The following SGCD variants were observed in gnomAD, a reference collection of about 807,000 sequenced individuals.
SGCD encodes sarcoglycan delta, also known as delta-sarcoglycan.
In SGCD, 18 loss-of-function variants were observed where a neutral mutation model predicts 36.6. The observed-to-expected ratio is 0.49, with a 90% CI of 0.34 to 0.73. The LOEUF (loss-of-function observed/expected upper bound fraction) is 0.73. SGCD is among the 30% of genes least tolerant of loss of function. The pLI, the probability that SGCD is intolerant of heterozygous loss-of-function variation, is 0.01. For synonymous variants in SGCD, 133 were observed against 130.6 expected, an observed-to-expected ratio of 1.02 and a Z score of -0.12; for missense variants, 387 against 346.7, an observed-to-expected ratio of 1.12 and a Z score of -0.92.
intron 2 of SGCD, among the ~76,000 whole-genome samples, chr5:156,330,713 A>T (rs1451582345): frequency 6.6e-6 from 1 of 152,166 alleles, no homozygotes; most frequent in African/African-American, 2.4e-5. Flanking sequence ...GACTTCATAC[A>T]TGTGTTAACC....
intron 1 of SGCD, among the ~76,000 whole-genome samples, chr5:156,100,536 C>T (rs566433393): frequency 3.9e-5 from 6 of 152,100 alleles, no homozygotes; most frequent in Non-Finnish European, 8.8e-5. Context: ...CTCTTCCTTT[C>T]GTTATAAGAA....
At chr5:156,014,864 GT>G (rs1758933036) in intron 1 of SGCD, among the ~76,000 whole-genome samples, 1 of 152,116 alleles carries the variant, frequency 6.6e-6, no homozygotes, top group Non-Finnish European at 1.5e-5. Context: ...TGCACTTTGG[GT>G]TTGAAAATGC....
At chr5:156,194,512 G>A (rs1763973573) in intron 3 of SGCD, among the ~76,000 whole-genome samples, 1 of 152,148 alleles carries the variant, frequency 6.6e-6, no homozygotes, top group Non-Finnish European at 1.5e-5. Flanking sequence ...ACATTAGGTG[G>A]AGAGAAAAAC....
intron 3 of SGCD, among the ~76,000 whole-genome samples, chr5:156,140,241 T>A (rs1463202199): frequency 6.6e-6 from 1 of 152,170 alleles, no homozygotes; most frequent in Non-Finnish European, 1.5e-5. Context: ...AGGAAGTCGG[T>A]AATGGGTAGA....
chr5:156,446,030 C>T (rs1019239816), intron 3 of SGCD, among the ~76,000 whole-genome samples: 1 of 151,958 alleles, frequency 6.6e-6, no homozygotes, highest in Non-Finnish European at 1.5e-5. Flanking sequence ...TCCGAAAAAG[C>T]AGGGGTCTTG....
chr5:155,859,864 T>C, the SGCD span, among the ~76,000 whole-genome samples: 4 of 152,206 alleles, frequency 2.6e-5, no homozygotes, highest in African/African-American at 7.2e-5. Flanking sequence ...ATTCTAGTGG[T>C]TGAATCCTTA....
intron 1 of SGCD, among the ~76,000 whole-genome samples, chr5:156,078,370 G>A (rs1452265044): frequency 1.4e-4 from 21 of 151,430 alleles, no homozygotes; most frequent in Middle Eastern, 3.4e-3. Context: ...AAAATTCGCC[G>A]GATGTGGTGA....
At position 156,671,272 on chromosome 5, in the gene SGCD, CTT is replaced by C. The variant is rs35299523; in HGVS notation, c.575+23753_575+23754del. Among the ~76,000 whole-genome samples, 923 of 104,386 alleles carry C rather than the reference CTT, an allele frequency of 8.8e-3. 2 individuals are homozygous for C. The highest frequency in any genetic ancestry group is 0.022 in the African/African-American group (657 of 30,152). The allele number at this position is 104,386 out of a possible 152,430, so 68.5% of individuals were successfully genotyped here. A position where few individuals can be genotyped will look rare whatever the true frequency, so the allele number is the denominator to read the frequency against. On this transcript the variant is annotated intron_variant, in intron 7 of 8. Coordinates refer to ENST00000337851, the MANE Select transcript of SGCD (RefSeq NM_000337.6). ...GGTGATTCATGGATATCTATTGATT[CTT>C]TTTTTTTTTTTTTTTTGAGACAGAG...
chr5:155,831,078 C>T, the SGCD span, among the ~76,000 whole-genome samples: 3 of 152,150 alleles, frequency 2.0e-5, no homozygotes, highest in South Asian at 2.1e-4. Context: ...GAAATTGAAC[C>T]TTTCTCTGGT....
At chr5:156,187,889 C>A (rs758311609) in intron 3 of SGCD, among the ~76,000 whole-genome samples, 25 of 152,036 alleles carry the variant, frequency 1.6e-4, no homozygotes, top group Admixed American at 1.2e-3. Context: ...AATGGAATTC[C>A]CAGGCTGCTC....
chr5:156,292,911 CTGTT>C (rs896883605), intron 3 of SGCD, among the ~76,000 whole-genome samples: 9 of 152,052 alleles, frequency 5.9e-5, no homozygotes, highest in Non-Finnish European at 1.2e-4. Flanking sequence ...GGAGAAATGT[CTGTT>C]TGTGCAAGTC....
chr5:156,731,150 T>TTTACAAGAAAAAAACAAGC (rs1421892057), intron 7 of SGCD, among the ~76,000 whole-genome samples: 2 of 152,082 alleles, frequency 1.3e-5, no homozygotes, highest in Non-Finnish European at 2.9e-5. Context: ...CTTAAACAAA[T>TTTACAAGAAAAAAACAAGC]TTACAAGAAA....
chr5:156,691,555 A>G (rs188827241), intron 7 of SGCD, among the ~76,000 whole-genome samples: 411 of 152,358 alleles, frequency 2.7e-3, no homozygotes, highest in Non-Finnish European at 4.7e-3. Flanking sequence ...GCCACAGAAA[A>G]TACCTAAAAA....
In SGCD at chr5:155,987,902, TAAC is replaced by T. The variant is rs1205316415; in HGVS notation, c.-282+117484_-282+117486del. On this transcript the variant is annotated intron_variant, in intron 1 of 9. Coordinates refer to the SGCD transcript ENST00000517913. ...TATTATTCATATCCCAGTATGCTGATAACAACAATAGTAATAATGACAATTTCT... is the reference window on the plus strand; with the variant it reads ...TATTATTCATATCCCAGTATGCTGATAACAATAGTAATAATGACAATTTCT... 3.3e-5 allele frequency among the ~76,000 whole-genome samples: 5 copies of T among 152,160 alleles called. 1 individual carries two copies. The highest frequency in any genetic ancestry group is 5.9e-5 in the Non-Finnish European group (4 of 68,020).
At chr5:156,282,692 T>C (rs114901375) in intron 3 of SGCD, among the ~76,000 whole-genome samples, 2,127 of 152,282 alleles carry the variant, frequency 0.014, 23 homozygotes, top group Non-Finnish European at 0.024. Context: ...TACTTACGTG[T>C]GGTCTATATG....
intron 7 of SGCD, among the ~76,000 whole-genome samples, chr5:156,674,868 G>A (rs1212522392): frequency 3.3e-5 from 5 of 152,268 alleles, no homozygotes; most frequent in Admixed American, 1.3e-4. Flanking sequence ...TCAAGAGGGC[G>A]TTTTCAGAAG....
intron 1 of SGCD, among the ~76,000 whole-genome samples, chr5:156,081,317 C>G (rs1284338452): frequency 6.6e-6 from 1 of 152,146 alleles, no homozygotes; most frequent in Non-Finnish European, 1.5e-5. Flanking sequence ...GATGCAAACC[C>G]TCCCACCAGG....
chr5:156,151,765 C>A (rs1762840645), intron 3 of SGCD, among the ~76,000 whole-genome samples: 1 of 151,390 alleles, frequency 6.6e-6, no homozygotes, highest in Non-Finnish European at 1.5e-5. Context: ...GTCTCTTTTT[C>A]AAGGATTTTT....
At chr5:156,443,658 A>T (rs1464923970) in intron 3 of SGCD, among the ~76,000 whole-genome samples, 2 of 152,162 alleles carry the variant, frequency 1.3e-5, no homozygotes, top group South Asian at 4.1e-4. Flanking sequence ...CGGGAGCACT[A>T]GGGATCTCTT....
Sources: allele counts gnomAD v4.1 joint callset (sites outside exome capture counted in the v4.1 genomes callset), GRCh38; gene constraint gnomAD v4.1.1; transcripts MANE v1.5; gene names NCBI Gene and HGNC (gene_info 2026-07-23, HGNC 2026-07-21).